Variants in PRDM5 observed in about 807,000 individuals in gnomAD.
PRDM5 encodes the protein PR domain zinc finger protein 5.
A neutral mutation model predicts 81.2 loss-of-function variants in PRDM5; 56 were observed. The ratio of observed to expected loss-of-function variants is 0.69; its 90% CI spans 0.56 to 0.86. The LOEUF is 0.86. PRDM5 is among the 40% of genes least tolerant of loss of function. The pLI is 0.00. For missense variants in PRDM5, 697 were observed against 770.1 expected (o/e 0.91, Z 1.12); for synonymous variants, 267 against 256.4 (o/e 1.04, Z -0.39).
chr4:120,802,327 G>A (rs867412573), intron 8 of PRDM5, among the ~76,000 whole-genome samples: 2 of 152,170 alleles, frequency 1.3e-5, no homozygotes, highest in Admixed American at 1.3e-4. Flanking sequence ...CAGTGTGAGC[G>A]ACGCAGAAGA....
intron 14 of PRDM5, among the ~76,000 whole-genome samples, chr4:120,732,287 T>C (rs116061422): frequency 1.7e-3 from 253 of 152,354 alleles, no homozygotes; most frequent in African/African-American, 5.9e-3. Context: ...ACTCAGTACA[T>C]AGTATATAAT....
At chr4:120,743,940 T>C (rs1448264018) in intron 14 of PRDM5, among the ~76,000 whole-genome samples, 1 of 151,860 alleles carries the variant, frequency 6.6e-6, no homozygotes, top group African/African-American at 2.4e-5. Flanking sequence ...CTAACAGACA[T>C]CTACAGAACT....
At chr4:120,902,410 T>C (rs188797810) in intron 2 of PRDM5, among the ~76,000 whole-genome samples, 11 of 152,250 alleles carry the variant, frequency 7.2e-5, no homozygotes, top group Admixed American at 6.5e-4. Context: ...GTTTAGCAAA[T>C]AGAACATAGG....
intron 2 of PRDM5, among the ~76,000 whole-genome samples, chr4:120,889,575 C>CT (rs1272398197): frequency 7.9e-5 from 12 of 152,188 alleles, no homozygotes; most frequent in Non-Finnish European, 1.6e-4. Context: ...GAGATTGCAT[C>CT]TTTTTTTAAG....
chr4:120,700,692 G>A (rs1373269414), intron 15 of PRDM5, among the ~76,000 whole-genome samples: 1 of 152,132 alleles, frequency 6.6e-6, no homozygotes, highest in Non-Finnish European at 1.5e-5. Flanking sequence ...ATTATTGCAA[G>A]AGACATTCAC....
At chr4:120,848,171 T>A (rs1758865579) in intron 3 of PRDM5, among the ~76,000 whole-genome samples, 1 of 152,182 alleles carries the variant, frequency 6.6e-6, no homozygotes, top group Admixed American at 6.6e-5. Flanking sequence ...CAATGCTTTA[T>A]AATGGATTAA....
chr4:120,713,981 AG>A (rs1011982332), intron 14 of PRDM5, among the ~76,000 whole-genome samples: 24 of 152,272 alleles, frequency 1.6e-4, no homozygotes, highest in African/African-American at 5.5e-4. Context: ...CATTCATGAC[AG>A]CTATACCCTC....
intron 8 of PRDM5, among the ~76,000 whole-genome samples, chr4:120,806,002 T>C (rs1190735713): frequency 1.3e-5 from 2 of 152,172 alleles, no homozygotes; most frequent in Non-Finnish European, 2.9e-5. Context: ...TTCAGCAGTC[T>C]CAGGATACAA....
intron 2 of PRDM5, among the ~76,000 whole-genome samples, chr4:120,883,188 CT>C (rs980137669): frequency 2.6e-5 from 4 of 152,050 alleles, no homozygotes; most frequent in Admixed American, 2.6e-4. Context: ...ATTTTTTTCT[CT>C]CAATGTAAAG....
chr4:120,778,322 CAT>C (rs1375589786), intron 12 of PRDM5, among the ~76,000 whole-genome samples: 1 of 151,894 alleles, frequency 6.6e-6, no homozygotes, highest in Non-Finnish European at 1.5e-5. Flanking sequence ...TTTGAACTGA[CAT>C]AGACAAATGA....
chr4:120,767,032 A>C (rs1349698072), intron 13 of PRDM5, among the ~76,000 whole-genome samples: 1 of 152,212 alleles, frequency 6.6e-6, no homozygotes, highest in African/African-American at 2.4e-5. Context: ...GAGGATGCAG[A>C]GCGGAACGAA....
chr4:120,806,794 G>A (rs1753035565), intron 8 of PRDM5, among the ~76,000 whole-genome samples: 1 of 152,116 alleles, frequency 6.6e-6, no homozygotes. Flanking sequence ...CATGGGCAAG[G>A]ACTTCATCTC....
At chr4:120,895,090 G>A (rs1364211075) in intron 2 of PRDM5, among the ~76,000 whole-genome samples, 4 of 152,152 alleles carry the variant, frequency 2.6e-5, no homozygotes, top group African/African-American at 7.2e-5. Flanking sequence ...ATCACAAAGA[G>A]ACAAAGTGTA....
intron 2 of PRDM5, among the ~76,000 whole-genome samples, chr4:120,874,675 T>G (rs1332462663): frequency 1.3e-5 from 2 of 152,238 alleles, no homozygotes; most frequent in East Asian, 1.9e-4. Flanking sequence ...CAAGATTGAT[T>G]ACTATTAGCT....
At chr4:120,706,728 A>T (rs1349559311) in intron 15 of PRDM5, among the ~76,000 whole-genome samples, 1 of 138,952 alleles carries the variant, frequency 7.2e-6, no homozygotes, top group African/African-American at 2.7e-5. Context: ...TATATATATA[A>T]ATTATATATA....
chr4:120,721,967 G>A (rs1738674433), intron 14 of PRDM5, among the ~76,000 whole-genome samples: 3 of 152,198 alleles, frequency 2.0e-5, no homozygotes, highest in Non-Finnish European at 4.4e-5. Flanking sequence ...GAGAGACAGA[G>A]TTGTCCGTCT....
chr4:120,750,457 T>G (rs1743816942), intron 14 of PRDM5, among the ~76,000 whole-genome samples: 1 of 151,970 alleles, frequency 6.6e-6, no homozygotes, highest in African/African-American at 2.4e-5. Flanking sequence ...TGAGGAAGGA[T>G]CCTTAAGAAA....
intron 2 of PRDM5, among the ~76,000 whole-genome samples, chr4:120,903,539 C>T (rs1157690052): frequency 1.3e-5 from 2 of 152,206 alleles, no homozygotes; most frequent in Non-Finnish European, 2.9e-5. Flanking sequence ...AATGTTCCCT[C>T]TAGAAGACCT....
At chr4:120,905,306 G>A (rs566848557) in intron 2 of PRDM5, among the ~76,000 whole-genome samples, 2 of 152,280 alleles carry the variant, frequency 1.3e-5, no homozygotes, top group East Asian at 3.9e-4. Context: ...TTTGCTTACA[G>A]GTAATACACT....
Sources: gnomAD v4.1 joint callset for allele counts (sites outside exome capture counted in the v4.1 genomes callset) on GRCh38, gnomAD v4.1.1 for gene constraint, MANE v1.5 for transcripts, NCBI Gene and HGNC (gene_info 2026-07-23, HGNC 2026-07-21) for gene names.